Variants in DHX38 observed in about 807,000 individuals in gnomAD.
DHX38 encodes DEAH-box helicase 38.
A neutral mutation model predicts 153.1 loss-of-function variants in DHX38; 100 were observed. That is an observed-to-expected ratio of 0.65 (90% CI 0.56 to 0.77). The LOEUF (loss-of-function observed/expected upper bound fraction) is 0.77, where lower values mean the gene tolerates loss of function less well. DHX38 is among the 30% of genes least tolerant of loss of function. The pLI is 0.00. For synonymous variants in DHX38, 650 were observed against 631.7 expected, an observed-to-expected ratio of 1.03 and a Z score of -0.43; for missense variants, 1,440 against 1,654.0, an observed-to-expected ratio of 0.87 and a Z score of 2.24.
chr16:72,101,093 C>T lies in DHX38; in HGVS notation c.1286C>T (p.Pro429Leu). Residue 429 changes from proline to leucine, a missense_variant, in exon 10 of 27, where the codon CCG becomes CTG. Coordinates refer to ENST00000268482, the MANE Select transcript of DHX38 (RefSeq NM_014003.4). ...TTCTCCCCACTGCTGCAGCCGGAGC[C>T]GGTGATTCCAGTGAAGGATGCTACT... Reference protein sequence around the residue: ...GRIVFTKQPEPVIPVKDATSD... With the variant: ...GRIVFTKQPELVIPVKDATSD... The T allele has an allele frequency of 5.6e-6, 9 of 1,614,178 alleles. No individual in the cohort carries two copies. The highest frequency in any genetic ancestry group is 2.2e-5 in the South Asian group (2 of 91,080).
chr16:72,103,271 T>C, intron 12 of DHX38, 60 bp downstream of exon 12: 1 of 1,575,954 alleles, frequency 6.3e-7, no homozygotes, highest in Non-Finnish European at 8.6e-7. Context: ...TGGTCTCCCA[T>C]GTTTACCCAG....
chr16:72,109,023 G>T (rs369990428), intron 24 of DHX38, 98 bp downstream of exon 24: 1 of 1,486,196 alleles, frequency 6.7e-7, no homozygotes, highest in East Asian at 2.3e-5. Context: ...TAGCCTGGGA[G>T]CCTTGAGGCC....
chr16:72,100,553 C>A lies in DHX38; in HGVS notation c.1234C>A (p.Leu412Met). 6.2e-7 allele frequency: 1 copy of A among 1,614,128 alleles called. No homozygotes were observed. Residue 412 changes from leucine to methionine, a missense_variant, in exon 9 of 27, where the codon CTG (leucine) becomes ATG (methionine). By Grantham distance (15) the Leu-to-Met change is conservative (BLOSUM62 2). This residue lies in a region of DHX38 where 77 missense variants were observed against 125.4 expected (regional missense o/e 0.61). Transcript: ENST00000268482. The part of the protein sequence containing the change: ...AAKVHLMVHN[L>M]VPPFLDGRIV... ...CAAGGTGCATCTGATGGTGCACAAT[C>A]TGGTGCCTCCCTTTCTGGATGGGCG... is the stretch of plus-strand genomic sequence containing the variant.
In DHX38 at chr16:72,104,177, A is replaced by G. The variant is rs1408471284; in HGVS notation, c.2010+46A>G. On this transcript the variant is annotated intron_variant, in intron 14 of 26. Transcript: ENST00000268482. This position sits in a 1 kb window ranked among gnomAD's most constrained non-coding sequence, Gnocchi z 4.5. ...TCTCTCTGCGCATGGGGTGTTGACC[A>G]GTGCACCACCAGTAGCTAGTGGGTT... The G allele has an allele frequency of 6.3e-7, 1 of 1,596,032 alleles. No homozygotes were observed.
intron 21 of DHX38, 51 bp from the exon 22 acceptor site, chr16:72,108,176 T>G (rs2042206909): frequency 6.2e-7 from 1 of 1,600,596 alleles, no homozygotes; most frequent in South Asian, 1.1e-5. Context: ...ATGTGCTCAG[T>G]GGGCCTGGAC....
chr16:72,105,861 T>G, intron 18 of DHX38, 144 bp from the exon 19 acceptor site: 1 of 752,654 alleles, frequency 1.3e-6, no homozygotes, highest in Non-Finnish European at 2.2e-6. Flanking sequence ...GGGGAAGACT[T>G]CTTCAGGTGT....
At position 72,107,802 on chromosome 16, in the gene DHX38, G is replaced by A. The variant is rs767227558; in HGVS notation, c.2964+3G>A. The A allele has an allele frequency of 9.3e-6, 15 of 1,612,428 alleles. No individual in the cohort carries two copies. Among genetic ancestry groups the A allele is most frequent in the Non-Finnish European group, 1.2e-5 (14 of 1,179,580 alleles). ...CAGCCATCTTCTACAGGCCCAAGGT[G>A]GGGCAGCGGCTGGCTCCCCTCTCCC... On this transcript the variant is annotated splice_donor_region_variant and intron_variant, in intron 21 of 26. Transcript: ENST00000268482. The surrounding 1 kb of genome is among the most constrained non-coding windows in gnomAD (Gnocchi z 5.3).
rs192983504 is a variant in DHX38 at position 72,096,836 on chromosome 16, C to T, written c.338C>T (p.Ala113Val). The T allele has an allele frequency of 1.5e-5, 25 of 1,613,394 alleles. 1 individual carries two copies. The East Asian group carries it at 5.3e-4, about 35-fold the overall frequency. Reference protein sequence around the residue: ...NIRKDRHYRSARVETPSHPGG... With the variant: ...NIRKDRHYRSVRVETPSHPGG... ...CCCTGTTTCAGACATTATCGGTCTG[C>T]TCGGGTAGAGACTCCATCCCATCCG... is the stretch of plus-strand genomic sequence containing the variant. Residue 113 changes from alanine to valine, a missense_variant, in exon 3 of 27, where the codon GCT becomes GTT. Ala to Val is a moderately conservative substitution (Grantham distance 64, BLOSUM62 0). Around this residue, in one of 6 missense-constraint regions of DHX38, gnomAD observed 483 missense variants for 465.1 expected, o/e 1.04. Coordinates refer to ENST00000268482, the MANE Select transcript of DHX38 (RefSeq NM_014003.4).
intron 8 of DHX38, 97 bp downstream of exon 8, chr16:72,099,984 TC>T: frequency 6.8e-7 from 1 of 1,472,060 alleles, no homozygotes. Context: ...GCACAGCTTG[TC>T]CCCTGATTGC....
chr16:72,095,275 C>T (rs898625241), intron 1 of DHX38, among the ~76,000 whole-genome samples: 1 of 152,228 alleles, frequency 6.6e-6, no homozygotes, highest in Non-Finnish European at 1.5e-5. Flanking sequence ...TCAGTAACAC[C>T]TTTTCCTAAC....
chr16:72,110,278 A>C (rs1452705636), intron 25 of DHX38, among the ~76,000 whole-genome samples: 1 of 152,216 alleles, frequency 6.6e-6, no homozygotes, highest in African/African-American at 2.4e-5. Context: ...CACTTGCTGT[A>C]AGCTGGCGAT....
rs776376075 is a variant in DHX38, at chr16:72,096,981, T to A, written c.483T>A (p.Asp161Glu). The change falls in exon 3 of 27, where the codon GAT (aspartate) becomes GAA (glutamate). Residue 161 changes from aspartate (D) to glutamate (E), a missense_variant. By Grantham distance (45) the Asp-to-Glu change is conservative. Transcript: ENST00000268482. Reference protein sequence around the residue: ...EKDWKKEKSRDRDYDRKRDRD... With the variant: ...EKDWKKEKSRERDYDRKRDRD... ...ATTGGAAGAAGGAGAAATCGCGGGA[T>A]CGAGACTATGACCGCAAGAGGGACA... 2.9e-5 allele frequency: 47 copies of A among 1,613,872 alleles called. No homozygotes were observed. The highest frequency in any genetic ancestry group is 3.9e-5 in the Non-Finnish European group (46 of 1,179,980).
chr16:72,099,971 G>A, intron 8 of DHX38, 84 bp downstream of exon 8: 1 of 1,505,764 alleles, frequency 6.6e-7, no homozygotes, highest in South Asian at 1.3e-5. Flanking sequence ...CCAAGTGAGG[G>A]CAGCACAGCT....
intron 18 of DHX38, 84 bp downstream of exon 18, chr16:72,105,708 T>A: frequency 3.7e-6 from 5 of 1,356,736 alleles, no homozygotes; most frequent in South Asian, 1.2e-5. Context: ...GCCTCGCTCC[T>A]GGCCCTGGGA....
intron 11 of DHX38, among the ~76,000 whole-genome samples, 184 bp from the exon 12 acceptor site, chr16:72,102,890 G>T (rs1048617696): frequency 6.6e-6 from 1 of 152,172 alleles, no homozygotes; most frequent in South Asian, 2.1e-4. Context: ...GTGGATGATG[G>T]ATTCTCAAGT....
intron 10 of DHX38, 22 bp downstream of exon 10, chr16:72,101,215 C>G: frequency 1.9e-6 from 3 of 1,612,984 alleles, no homozygotes; most frequent in South Asian, 1.1e-5. Context: ...GGTTTCGTGG[C>G]TGGGAAGTTT....
chr16:72,102,064 T>C (rs2042109219), intron 11 of DHX38, among the ~76,000 whole-genome samples: 1 of 152,208 alleles, frequency 6.6e-6, no homozygotes, highest in Non-Finnish European at 1.5e-5. Flanking sequence ...GGTTATCTTA[T>C]TGGCCAGTGA....
chr16:72,096,879 G>C lies in DHX38; in HGVS notation c.381G>C (p.Glu127Asp). Residue 127 changes from glutamate to aspartate, a missense_variant, in exon 3 of 27, where the codon GAG (glutamate) becomes GAC (aspartate). Transcript: ENST00000268482. ...CCCATCCGGGTGGTGTGAGCGAAGAGTTTTGGGAACGCAGTCGGCAGAGAG... is the reference window on the plus strand; with the variant it reads ...CCCATCCGGGTGGTGTGAGCGAAGACTTTTGGGAACGCAGTCGGCAGAGAG... ...TPSHPGGVSE[E>D]FWERSRQRER... The C allele has an allele frequency of 6.2e-7, 1 of 1,614,038 alleles. No homozygotes were observed. The highest frequency in any genetic ancestry group is 8.5e-7 in the Non-Finnish European group (1 of 1,179,940).
Position 72,105,613 on chromosome 16 carries a change from TG to T in DHX38, c.2477del (p.Cys826SerfsTer3). The T allele has an allele frequency of 6.2e-7, 1 of 1,614,156 alleles. No homozygotes were observed. The highest frequency in any genetic ancestry group is 8.5e-7 in the Non-Finnish European group (1 of 1,180,028). On this transcript the variant is annotated frameshift_variant, in exon 18 of 27. Coordinates refer to ENST00000268482, the MANE Select transcript of DHX38 (RefSeq NM_014003.4). LOFTEE classifies it high-confidence loss of function. ...CATGTTTGTTATCGATTCTGGTTAT[TG>T]CAAATTAAAGGTAAGAGAAGACATG... ...GIMFVIDSGY[C>X]KLKVFNPRIG...
Sources: allele counts gnomAD v4.1 joint callset (sites outside exome capture counted in the v4.1 genomes callset), GRCh38; gene constraint gnomAD v4.1.1; regional missense constraint gnomAD v4.1.1; non-coding constraint Gnocchi (gnomAD v3.1); transcripts MANE v1.5; gene names NCBI Gene and HGNC (gene_info 2026-07-23, HGNC 2026-07-21).